RBFOX3: variants seen among roughly 807,000 people sequenced by gnomAD.
RBFOX3 encodes the protein RNA binding fox-1 homolog 3.
Under a neutral mutation model 48.7 loss-of-function variants are expected in RBFOX3, and 17 were observed. The observed-to-expected ratio is 0.35, with a 90% CI of 0.24 to 0.52. RBFOX3 has a LOEUF of 0.52. RBFOX3 is among the 20% of genes least tolerant of loss of function. The pLI, the probability that RBFOX3 is intolerant of heterozygous loss-of-function variation, is 0.94. For synonymous variants in RBFOX3, 212 were observed against 209.5 expected (o/e 1.01, Z -0.10); for missense variants, 382 against 497.5 (o/e 0.77, Z 2.21).
chr17:79,345,271 T>A (rs1308767742), intron 2 of RBFOX3, among the ~76,000 whole-genome samples: 1 of 152,252 alleles, frequency 6.6e-6, no homozygotes, highest in Non-Finnish European at 1.5e-5. Flanking sequence ...CCTGTAGTAT[T>A]CCCTTATTAT....
intron 1 of RBFOX3, among the ~76,000 whole-genome samples, chr17:79,486,425 G>A (rs2149536112): frequency 6.6e-6 from 1 of 152,300 alleles, no homozygotes; most frequent in South Asian, 2.1e-4. Context: ...ACACCCCACT[G>A]TTGACCTTCA....
chr17:79,176,646 T>C (rs1381012542), intron 4 of RBFOX3, among the ~76,000 whole-genome samples: 2 of 151,684 alleles, frequency 1.3e-5, no homozygotes, highest in East Asian at 3.9e-4. Flanking sequence ...GGTGGATGGG[T>C]TGGCTGGAGG....
intron 3 of RBFOX3, among the ~76,000 whole-genome samples, chr17:79,280,151 G>A (rs898332072): frequency 6.7e-6 from 1 of 149,802 alleles, no homozygotes; most frequent in African/African-American, 2.5e-5. Flanking sequence ...ACATGTGCGT[G>A]CACACACACA....
Position 79,198,593 on chromosome 17 carries a change from T to C in RBFOX3, c.-34+37173A>G, listed in dbSNP as rs2056165431. ...GTCACTCTGATAGGACTTTTAGAGATGTGAGAAGCCTCCCTGCTTTTGAAC... is the reference window on the plus strand; with the variant it reads ...GTCACTCTGATAGGACTTTTAGAGACGTGAGAAGCCTCCCTGCTTTTGAAC... On this transcript the variant is annotated intron_variant, in intron 4 of 14. Transcript: ENST00000693108. The surrounding 1 kb of genome is among the most constrained non-coding windows in gnomAD (Gnocchi z 8.2). Among the ~76,000 whole-genome samples the C allele has an allele frequency of 6.6e-6, 1 of 151,474 alleles. No homozygotes were observed. Among genetic ancestry groups the C allele is most frequent in the African/African-American group, 2.4e-5 (1 of 41,200 alleles).
chr17:79,119,392 G>A (rs888894644), intron 4 of RBFOX3, among the ~76,000 whole-genome samples: 2 of 152,184 alleles, frequency 1.3e-5, no homozygotes, highest in Admixed American at 6.5e-5. Context: ...TAATAAAACC[G>A]AGGTGTAGAG....
intron 4 of RBFOX3, among the ~76,000 whole-genome samples, chr17:79,228,636 G>A (rs1395883006): frequency 6.6e-6 from 1 of 152,214 alleles, no homozygotes; most frequent in Non-Finnish European, 1.5e-5. Flanking sequence ...TTTGGGAGCT[G>A]ATTTGCCAAC....
chr17:79,092,003 G>T, intron 14 of RBFOX3: 5 of 985,484 alleles, frequency 5.1e-6, no homozygotes, highest in Non-Finnish European at 4.8e-6. Context: ...GGCGAGGAGG[G>T]GCAGTGGCTA....
rs2149391766 is a variant in RBFOX3, at chr17:79,473,071, G to C, written c.-175+9383C>G. ...ATAAAAATAGAATCACTAGAAAAAT[G>C]GAATAAAGAAGGCATACAAAACACA... On this transcript the variant is annotated intron_variant, in intron 2 of 14. Coordinates refer to ENST00000693108, the MANE Select transcript of RBFOX3 (RefSeq NM_001350451.2). The surrounding 1 kb of genome is among the most constrained non-coding windows in gnomAD (Gnocchi z 4.2). Among the ~76,000 whole-genome samples, 1 of 152,072 alleles carries C rather than the reference G, an allele frequency of 6.6e-6. No individual in the cohort carries two copies. Among genetic ancestry groups the C allele is most frequent in the African/African-American group, 2.4e-5 (1 of 41,488 alleles).
At chr17:79,644,556 A>G in the RBFOX3 span, among the ~76,000 whole-genome samples, 1 of 152,232 alleles carries the variant, frequency 6.6e-6, no homozygotes, top group South Asian at 2.1e-4. Context: ...AGATCATAAT[A>G]TACGTAATCA....
chr17:79,428,674 T>C (rs74000086), intron 2 of RBFOX3, among the ~76,000 whole-genome samples: 2,488 of 152,244 alleles, frequency 0.016, 74 homozygotes, highest in African/African-American at 0.057. Flanking sequence ...CCCCTGCTGA[T>C]AGAAGCCATG....
At chr17:79,594,732 T>A (rs1289393007) in intron 1 of RBFOX3, among the ~76,000 whole-genome samples, 4 of 152,224 alleles carry the variant, frequency 2.6e-5, no homozygotes, top group African/African-American at 7.2e-5. Context: ...GGCCATTTTT[T>A]AAAACTTGGA....
chr17:79,644,629 A>G, the RBFOX3 span, among the ~76,000 whole-genome samples: 1 of 152,190 alleles, frequency 6.6e-6, no homozygotes, highest in African/African-American at 2.4e-5. Context: ...CATTTTTTAA[A>G]TCCACTTGCA....
chr17:79,555,643 A>ATGG (rs1284476177), intron 1 of RBFOX3, among the ~76,000 whole-genome samples: 17 of 3,342 alleles, frequency 5.1e-3, no homozygotes, highest in Non-Finnish European at 0.02. Context: ...TATGTCAGTG[A>ATGG]TGGTGGTGGT....
intron 1 of RBFOX3, among the ~76,000 whole-genome samples, chr17:79,559,758 T>G (rs1254228912): frequency 1.4e-5 from 2 of 142,122 alleles, no homozygotes; most frequent in African/African-American, 5.3e-5. Context: ...GATGGATGGA[T>G]GGGTGGATGG....
chr17:79,211,755 T>C (rs887501781), intron 4 of RBFOX3, among the ~76,000 whole-genome samples: 1 of 152,206 alleles, frequency 6.6e-6, no homozygotes, highest in Non-Finnish European at 1.5e-5. Flanking sequence ...TTCTCACTGC[T>C]GGTTGGGGCA....
chr17:79,174,334 G>A (rs986505277), intron 4 of RBFOX3, among the ~76,000 whole-genome samples: 6 of 147,120 alleles, frequency 4.1e-5, no homozygotes, highest in African/African-American at 1.3e-4. Context: ...ACAGACACAC[G>A]CACACAATGC....
At chr17:79,659,052 G>C in the RBFOX3 span, among the ~76,000 whole-genome samples, 1 of 152,114 alleles carries the variant, frequency 6.6e-6, no homozygotes, top group African/African-American at 2.4e-5. Flanking sequence ...GTCACACCAA[G>C]ACCCAGGCTC....
chr17:79,655,028 T>C, the RBFOX3 span, among the ~76,000 whole-genome samples: 2 of 151,986 alleles, frequency 1.3e-5, no homozygotes, highest in South Asian at 4.2e-4. Context: ...TTAGCACGAG[T>C]CTGAGGCTTA....
At chr17:79,544,020 C>A (rs1555791124) in intron 1 of RBFOX3, among the ~76,000 whole-genome samples, 1 of 152,226 alleles carries the variant, frequency 6.6e-6, no homozygotes, top group African/African-American at 2.4e-5. Flanking sequence ...GCTTAAACAA[C>A]CCTCAGCCCG....
Sources: gnomAD v4.1 joint callset for allele counts (sites outside exome capture counted in the v4.1 genomes callset) on GRCh38, gnomAD v4.1.1 for gene constraint, Gnocchi (gnomAD v3.1) non-coding constraint, MANE v1.5 for transcripts, NCBI Gene and HGNC (gene_info 2026-07-23, HGNC 2026-07-21) for gene names.